The following ADAMTS13 variants were observed in gnomAD, a reference collection of about 807,000 sequenced individuals.
The protein encoded by ADAMTS13 is ADAM metallopeptidase with thrombospondin type 1 motif 13.
A neutral mutation model predicts 155.1 loss-of-function variants in ADAMTS13; 110 were observed. The observed-to-expected ratio is 0.71, with a 90% confidence interval of 0.61 to 0.83. ADAMTS13 has a LOEUF of 0.83. Among genes scored for constraint, ADAMTS13 ranks in the 40% least tolerant of loss-of-function variants. The pLI is 0.00. For missense variants in ADAMTS13, 1,707 were observed against 1,891.7 expected, an observed-to-expected ratio of 0.90 and a Z score of 1.81; for synonymous variants, 758 against 756.4, an observed-to-expected ratio of 1.00 and a Z score of -0.03.
chr9:133,435,904 G>A (rs1436294041), intron 11 of ADAMTS13, among the ~76,000 whole-genome samples: 3 of 151,714 alleles, frequency 2.0e-5, no homozygotes, highest in East Asian at 3.9e-4. Flanking sequence ...CACCAGCATT[G>A]CGCCAGGGTT....
At chr9:133,431,329 AT>A (rs60906567) in intron 8 of ADAMTS13, among the ~76,000 whole-genome samples, 8,147 of 137,252 alleles carry the variant, frequency 0.059, 241 homozygotes, top group Non-Finnish European at 0.091. Flanking sequence ...TCATTTTTTC[AT>A]TTTTTTTTTT....
rs1841601684 is a variant in ADAMTS13, at chr9:133,440,611, C to T, written c.1968+86C>T. The T allele has an allele frequency of 5.0e-6, 7 of 1,411,910 alleles. No individual in the cohort carries two copies. The Admixed American group carries it at 1.4e-4, about 28-fold the overall frequency. The allele number at this position is 1,411,910 out of a possible 1,614,324, so 87.5% of individuals were successfully genotyped here. A position where few individuals can be genotyped will look rare whatever the true frequency, so the allele number is the denominator to read the frequency against. On this transcript the variant is annotated intron_variant, in intron 16 of 28. Coordinates refer to ENST00000355699, the MANE Select transcript of ADAMTS13 (RefSeq NM_139027.6). The surrounding 1 kb of genome is among the most constrained non-coding windows in gnomAD (Gnocchi z 4.3). ...GCTCGTTTGTCTATCCATCCATTCC[C>T]TGATTCGTTCATTTATTCATTCAGC...
chr9:133,440,193 A>T lies in ADAMTS13; in HGVS notation c.1787-151A>T. The T allele has an allele frequency of 1.1e-6, 1 of 926,714 alleles. No homozygotes were observed. Among genetic ancestry groups the T allele is most frequent in the Non-Finnish European group, 1.7e-6 (1 of 589,000 alleles). The allele number at this position is 926,714 out of a possible 1,614,324, so 57.4% of individuals were successfully genotyped here. On this transcript the variant is annotated intron_variant, in intron 15 of 28. Coordinates refer to ENST00000355699, the MANE Select transcript of ADAMTS13 (RefSeq NM_139027.6). The surrounding 1 kb of genome is among the most constrained non-coding windows in gnomAD (Gnocchi z 4.3). ...CTCACCAGGTTGTGGAAAGAGGCCT[A>T]GAGCCTCCGCTGTGGGGAAGCCTCT... is the stretch of plus-strand genomic sequence containing the variant.
chr9:133,424,421 T>C lies in ADAMTS13; in HGVS notation c.273T>C (p.Asp91=). The C allele has an allele frequency of 1.2e-6, 2 of 1,613,834 alleles. No homozygotes were observed. The highest frequency in any genetic ancestry group is 1.7e-6 in the Non-Finnish European group (2 of 1,180,004). The change falls in exon 3 of 29, where the codon GAT becomes GAC. Residue 91 remains aspartate (D), a synonymous_variant. Transcript: ENST00000355699. This position sits in a 1 kb window ranked among gnomAD's most constrained non-coding sequence, Gnocchi z 4.3. ...AGCTGCTGGTGGCCGTGGGCCCCGA[T>C]GTCTTCCAGGCTCACCAGGAGGACA... ...HLELLVAVGP[D]VFQAHQEDTE... is the part of the protein sequence containing the mutation.
At chr9:133,414,638 C>T (rs190829972) in exon 1 of ADAMTS13, 1 of 1,607,820 alleles carries the variant, frequency 6.2e-7, no homozygotes, top group East Asian at 2.2e-5. Context: ...TGCCTCGGTT[C>T]TCAGTGGTGA....
At position 133,444,375 on chromosome 9, in the gene ADAMTS13, C is replaced by CA. The variant is rs1459826792; in HGVS notation, c.2421-487dup. 2.6e-5 allele frequency among the ~76,000 whole-genome samples: 4 copies of CA among 151,782 alleles called. No individual in the cohort carries two copies. The East Asian group carries it at 7.7e-4, about 29-fold the overall frequency. On this transcript the variant is annotated intron_variant, in intron 19 of 28. Coordinates refer to ENST00000355699, the MANE Select transcript of ADAMTS13 (RefSeq NM_139027.6). ...TCTCTTTTTTTTTTTTATTAAAAGA[C>CA]AGAGTCTTGTTCTCTCACCCAGGCT...
At position 133,448,709 on chromosome 9, in the gene ADAMTS13, G is replaced by A. The variant is rs1554793349; in HGVS notation, c.2842G>A (p.Ala948Thr). The A allele has an allele frequency of 6.2e-7, 1 of 1,602,482 alleles. No individual in the cohort carries two copies. The change falls in exon 22 of 29, where the codon GCT becomes ACT. Residue 948 changes from alanine (A) to threonine (T), a missense_variant. By Grantham distance (58) the Ala-to-Thr change is moderately conservative. This residue lies in a region of ADAMTS13 where 961 missense variants were observed against 1,107.9 expected (regional missense o/e 0.87). Transcript: ENST00000355699. ...TGGGAGCCGGCGGGAGGTCTGCCAG[G>A]CTGTCCCGTGCCCTGCTCGGTGAGT... Reference protein sequence around the residue: ...KPGSRREVCQAVPCPARWQYK... With the variant: ...KPGSRREVCQTVPCPARWQYK...
rs928125375 is a variant in ADAMTS13 at position 133,436,004 on chromosome 9, G to A, written c.1309-825G>A. Among the ~76,000 whole-genome samples the A allele has an allele frequency of 2.1e-5, 3 of 140,508 alleles. No individual in the cohort carries two copies. In the South Asian group the frequency reaches 7.0e-4, roughly 33 times the overall value. 92.2% of individuals were successfully genotyped at this position (140,508 alleles called of 152,430 possible). On this transcript the variant is annotated intron_variant, in intron 11 of 28. Transcript: ENST00000355699. ...TTTTTTTTTTTTTTTTTTTAATAGAGATGGGGTTTTGTCATGTTGGCCAGG... is the reference window on the plus strand; with the variant it reads ...TTTTTTTTTTTTTTTTTTTAATAGAAATGGGGTTTTGTCATGTTGGCCAGG...
exon 1 of ADAMTS13, chr9:133,414,605 G>A (rs587770179): frequency 2.0e-6 from 3 of 1,474,936 alleles, no homozygotes; most frequent in African/African-American, 1.4e-5. Context: ...TCCATAAGGA[G>A]ACAGGCCTTG....
At chr9:133,458,424 C>T (rs1016127652) in intron 28 of ADAMTS13, among the ~76,000 whole-genome samples, 3 of 151,780 alleles carry the variant, frequency 2.0e-5, no homozygotes, top group East Asian at 3.9e-4. Context: ...GGCATGGTGG[C>T]GTGTGCCTGT....
intron 11 of ADAMTS13, among the ~76,000 whole-genome samples, chr9:133,435,972 CTCT>C (rs1308550111): frequency 6.7e-6 from 1 of 148,180 alleles, no homozygotes; most frequent in Non-Finnish European, 1.5e-5. Context: ...TTTTTCTTTT[CTCT>C]TCTTTTTTTT....
chr9:133,424,135 C>A lies in ADAMTS13; in HGVS notation c.173-186C>A, dbSNP rs781836872. Among the ~76,000 whole-genome samples, 1 of 152,240 alleles carries A rather than the reference C, an allele frequency of 6.6e-6. No individual in the cohort carries two copies. Among genetic ancestry groups the A allele is most frequent in the Non-Finnish European group, 1.5e-5 (1 of 68,040 alleles). On this transcript the variant is annotated intron_variant, in intron 2 of 28. Coordinates refer to ENST00000355699, the MANE Select transcript of ADAMTS13 (RefSeq NM_139027.6). The surrounding 1 kb of genome is among the most constrained non-coding windows in gnomAD (Gnocchi z 4.3). ...CCCAAAGCACACAATAGCCCAACAGCTCCTCCTGGGCCCTGCCCTTTGCGT... is the reference window on the plus strand; with the variant it reads ...CCCAAAGCACACAATAGCCCAACAGATCCTCCTGGGCCCTGCCCTTTGCGT...
intron 19 of ADAMTS13, 112 bp from the exon 20 acceptor site, chr9:133,444,751 G>T (rs978326572): frequency 7.0e-5 from 78 of 1,114,402 alleles, no homozygotes; most frequent in Admixed American, 2.7e-4. Context: ...TCCTCTTTGG[G>T]CTCCTGGATG....
rs1841605746 is a variant in ADAMTS13, at chr9:133,440,663, G to A, written c.1968+138G>A. 9.2e-7 allele frequency: 1 copy of A among 1,085,086 alleles called. No homozygotes were observed. Among genetic ancestry groups the A allele is most frequent in the Admixed American group, 2.7e-5 (1 of 36,998 alleles). 67.2% of individuals were successfully genotyped at this position (1,085,086 alleles called of 1,614,324 possible). On this transcript the variant is annotated intron_variant, in intron 16 of 28. Coordinates refer to ENST00000355699, the MANE Select transcript of ADAMTS13 (RefSeq NM_139027.6). The surrounding 1 kb of genome is among the most constrained non-coding windows in gnomAD (Gnocchi z 4.3). ...GTCACTTACAGGGGACCCACTATGT[G>A]TTGGGCCCTGTGCTAGGCAAAATGT...
chr9:133,439,411 A>G lies in ADAMTS13; in HGVS notation c.1751A>G (p.Tyr584Cys), dbSNP rs1409811787. ...LTVTPNLTSV[Y>C]IANHRPLFTH... ...GTTACCCCCAACCTGACCAGTGTCT[A>G]CATTGCCAACCACAGGCCTCTCTTC... Residue 584 changes from tyrosine to cysteine, a missense_variant, in exon 15 of 29, where the codon TAC (tyrosine) becomes TGC (cysteine). Around this residue, in one of 3 missense-constraint regions of ADAMTS13, gnomAD observed 961 missense variants for 1,107.9 expected, o/e 0.87. Coordinates refer to ENST00000355699, the MANE Select transcript of ADAMTS13 (RefSeq NM_139027.6). 1 of 1,613,976 alleles carries G rather than the reference A, an allele frequency of 6.2e-7. No homozygotes were observed. The highest frequency in any genetic ancestry group is 1.3e-5 in the African/African-American group (1 of 74,930).
Position 133,424,354 on chromosome 9 carries a change from G to A in ADAMTS13, c.206G>A (p.Arg69Lys). ...CCTTCCCCTGGCTTCCAGAGGCAGA[G>A]GCAGAGGCAGAGGCGGGCTGCAGGC... ...RPPSPGFQRQRQRQRRAAGGI... is the reference protein window; with the variant it reads ...RPPSPGFQRQKQRQRRAAGGI... Residue 69 changes from arginine (R) to lysine (K), a missense_variant, in exon 3 of 29, where the codon AGG (arginine) becomes AAG (lysine). Arg to Lys is a conservative substitution (Grantham distance 26). Around this residue, in one of 3 missense-constraint regions of ADAMTS13, gnomAD observed 733 missense variants for 749.6 expected, o/e 0.98. Coordinates refer to ENST00000355699, the MANE Select transcript of ADAMTS13 (RefSeq NM_139027.6). This position sits in a 1 kb window ranked among gnomAD's most constrained non-coding sequence, Gnocchi z 4.3. 1 of 1,613,170 alleles carries A rather than the reference G, an allele frequency of 6.2e-7. No homozygotes were observed. The highest frequency in any genetic ancestry group is 1.1e-5 in the South Asian group (1 of 91,054).
rs1841572651 is a variant in ADAMTS13, at chr9:133,440,374, C to T, written c.1817C>T (p.Ala606Val). 1 of 1,613,982 alleles carries T rather than the reference C, an allele frequency of 6.2e-7. No individual in the cohort carries two copies. The highest frequency in any genetic ancestry group is 1.3e-5 in the African/African-American group (1 of 75,064). The change falls in exon 16 of 29, where the codon GCT becomes GTT. Residue 606 changes from alanine to valine, a missense_variant. This residue lies in a region of ADAMTS13 where 961 missense variants were observed against 1,107.9 expected (regional missense o/e 0.87). Transcript: ENST00000355699. The surrounding 1 kb of genome is among the most constrained non-coding windows in gnomAD (Gnocchi z 4.3). ...AVRIGGRYVV[A>V]GKMSISPNTT... Reference sequence around the variant, plus strand: ...AGGATCGGAGGGCGCTATGTCGTGGCTGGGAAGATGAGCATCTCCCCTAAC... The same window carrying T: ...AGGATCGGAGGGCGCTATGTCGTGGTTGGGAAGATGAGCATCTCCCCTAAC...
At chr9:133,448,549 C>T (rs782346023) in intron 21 of ADAMTS13, 50 bp from the exon 22 acceptor site, 1 of 1,603,090 alleles carries the variant, frequency 6.2e-7, no homozygotes, top group East Asian at 2.2e-5. Context: ...GGCTGCAGTC[C>T]TTGCTGAGCC....
At position 133,456,353 on chromosome 9, in the gene ADAMTS13, GTGA is replaced by G; in HGVS notation, c.3547+143_3547+145del. 4 of 1,451,878 alleles carry G rather than the reference GTGA, an allele frequency of 2.8e-6. No homozygotes were observed. Among genetic ancestry groups the G allele is most frequent in the South Asian group, 2.4e-5 (2 of 83,094 alleles). The allele number at this position is 1,451,878 out of a possible 1,614,324, so 89.9% of individuals were successfully genotyped here. Reference sequence around the variant, plus strand: ...TTGCATCCCATCTCATGACTGGGGAGTGATGATCTGCATTTTACAGATGAGGAA... The same window carrying G: ...TTGCATCCCATCTCATGACTGGGGAGTGATCTGCATTTTACAGATGAGGAA... On this transcript the variant is annotated intron_variant, in intron 26 of 28. Coordinates refer to ENST00000355699, the MANE Select transcript of ADAMTS13 (RefSeq NM_139027.6). This position sits in a 1 kb window ranked among gnomAD's most constrained non-coding sequence, Gnocchi z 4.4.
Sources: allele counts gnomAD v4.1 joint callset (sites outside exome capture counted in the v4.1 genomes callset), GRCh38; gene constraint gnomAD v4.1.1; regional missense constraint gnomAD v4.1.1; non-coding constraint Gnocchi (gnomAD v3.1); transcripts MANE v1.5; gene names NCBI Gene and HGNC (gene_info 2026-07-23, HGNC 2026-07-21).